RIMBP2: variants seen among roughly 807,000 people sequenced by gnomAD.
RIMBP2 encodes the protein RIMS binding protein 2, also known as RIMS-binding protein 2.
A neutral mutation model predicts 118.6 loss-of-function variants in RIMBP2; 48 were observed. That is an observed-to-expected ratio of 0.40 (90% CI 0.32 to 0.51). The LOEUF (loss-of-function observed/expected upper bound fraction) is 0.51. Among genes scored for constraint, RIMBP2 ranks in the 20% least tolerant of loss-of-function variants. The pLI is 0.41. For missense variants in RIMBP2, 1,551 were observed against 1,768.3 expected (o/e 0.88, Z 2.20); for synonymous variants, 762 against 742.9 (o/e 1.03, Z -0.42).
rs1271287006 is a variant in RIMBP2 at position 130,434,991 on chromosome 12, C to A, written c.2107-111G>T. ...CCCTCAGAGCCTGGCCAGGCACCCC[C>A]CACACAGTGCTTTGGGCCCAGCTCT... On this transcript the variant is annotated intron_variant, in intron 13 of 22. Coordinates refer to ENST00000690449, the MANE Select transcript of RIMBP2 (RefSeq NM_001393629.1). The surrounding 1 kb of genome is among the most constrained non-coding windows in gnomAD (Gnocchi z 5.7). The A allele has an allele frequency of 1.0e-5, 12 of 1,157,348 alleles. No individual in the cohort carries two copies. The highest frequency in any genetic ancestry group is 1.4e-5 in the Non-Finnish European group (12 of 830,214). 71.7% of individuals were successfully genotyped at this position (1,157,348 alleles called of 1,614,324 possible).
chr12:130,438,334 A>AGGGCC, intron 12 of RIMBP2, 31 bp downstream of exon 12: 11 of 1,344,504 alleles, frequency 8.2e-6, no homozygotes, highest in Non-Finnish European at 1.2e-5. Context: ...GGGCCTAACA[A>AGGGCC]ACCCTCCCCA....
chr12:130,567,618 G>A (rs560346986), intron 2 of RIMBP2, among the ~76,000 whole-genome samples: 1 of 152,104 alleles, frequency 6.6e-6, no homozygotes, highest in African/African-American at 2.4e-5. Context: ...CCTGGGAAGG[G>A]GCAGCAGGTT....
chr12:130,675,674 A>G (rs2064427442), intron 1 of RIMBP2, among the ~76,000 whole-genome samples: 1 of 152,178 alleles, frequency 6.6e-6, no homozygotes, highest in South Asian at 2.1e-4. Flanking sequence ...TTTCAGCTTT[A>G]TACAAAGAAA....
chr12:130,544,789 C>G (rs1353135718), intron 2 of RIMBP2, among the ~76,000 whole-genome samples: 2 of 151,868 alleles, frequency 1.3e-5, no homozygotes, highest in East Asian at 3.9e-4. Context: ...GATGGGGTTT[C>G]ACCATGTTAC....
At chr12:130,613,777 G>A (rs1018794881) in intron 2 of RIMBP2, among the ~76,000 whole-genome samples, 2 of 135,456 alleles carry the variant, frequency 1.5e-5, no homozygotes, top group Admixed American at 8.4e-5. Flanking sequence ...TCGCACCACT[G>A]CACTCCAGCC....
At chr12:130,480,387 C>T (rs950335344) in intron 4 of RIMBP2, among the ~76,000 whole-genome samples, 6 of 152,146 alleles carry the variant, frequency 3.9e-5, no homozygotes, top group Non-Finnish European at 7.3e-5. Context: ...CATATACCCC[C>T]GATGTCTGCG....
At chr12:130,500,283 C>G (rs757019078) in intron 4 of RIMBP2, among the ~76,000 whole-genome samples, 3 of 152,098 alleles carry the variant, frequency 2.0e-5, no homozygotes, top group Non-Finnish European at 4.4e-5. Context: ...CACGGGGAAA[C>G]CCCATCTCTA....
chr12:130,690,973 T>C (rs925233579), intron 1 of RIMBP2, among the ~76,000 whole-genome samples: 2 of 152,102 alleles, frequency 1.3e-5, no homozygotes, highest in African/African-American at 4.8e-5. Flanking sequence ...TGCCCTGTAA[T>C]TCACAAGGGC....
chr12:130,492,548 G>T (rs1049875828), intron 4 of RIMBP2, among the ~76,000 whole-genome samples: 1 of 152,200 alleles, frequency 6.6e-6, no homozygotes. Context: ...AGATGCAGGG[G>T]TGGCAACATT....
chr12:130,434,851 T>G lies in RIMBP2; in HGVS notation c.2136A>C (p.Arg712Ser). Reference sequence around the variant, plus strand: ...AGGCGGCGTACTGCCCCGCGCTGCTTCTCTCTAGGAAGACGCTCCTTTTCT... The same window carrying G: ...AGGCGGCGTACTGCCCCGCGCTGCTGCTCTCTAGGAAGACGCTCCTTTTCT... ...RLEKRSVFLE[R>S]SSAGQYAASD... Residue 712 changes from arginine to serine, a missense_variant, in exon 14 of 23, where the codon AGA becomes AGC. Around this residue, in one of 5 missense-constraint regions of RIMBP2, gnomAD observed 1,038 missense variants for 1,125.1 expected, o/e 0.92. Transcript: ENST00000690449. The surrounding 1 kb of genome is among the most constrained non-coding windows in gnomAD (Gnocchi z 5.7). 4.3e-6 allele frequency: 7 copies of G among 1,611,880 alleles called. No individual in the cohort carries two copies. The South Asian group carries it at 7.7e-5, about 18-fold the overall frequency.
At position 130,649,307 on chromosome 12, in the gene RIMBP2, G is replaced by C. The variant is rs939628645; in HGVS notation, c.-351-20851C>G. Reference sequence around the variant, plus strand: ...CCTCAGCGGAGAGATGAGTGCTCCCGGCCGGAGGCCGCTCCGCTCCATGCA... The same window carrying C: ...CCTCAGCGGAGAGATGAGTGCTCCCCGCCGGAGGCCGCTCCGCTCCATGCA... On this transcript the variant is annotated intron_variant, in intron 1 of 22. Transcript: ENST00000690449. Among the ~76,000 whole-genome samples the C allele has an allele frequency of 1.3e-4, 14 of 109,462 alleles. 3 individuals carry two copies. Among genetic ancestry groups the C allele is most frequent in the Non-Finnish European group, 3.3e-4 (14 of 42,394 alleles). 71.8% of individuals were successfully genotyped at this position (109,462 alleles called of 152,430 possible).
At chr12:130,664,877 G>A (rs2063851013) in intron 1 of RIMBP2, among the ~76,000 whole-genome samples, 1 of 151,810 alleles carries the variant, frequency 6.6e-6, no homozygotes, top group African/African-American at 2.4e-5. Context: ...GCGGGGCAGG[G>A]AAGGCTTTCC....
At chr12:130,693,210 G>A (rs1223516915) in intron 1 of RIMBP2, among the ~76,000 whole-genome samples, 2 of 152,110 alleles carry the variant, frequency 1.3e-5, no homozygotes, top group African/African-American at 2.4e-5. Context: ...ATGACTCCGT[G>A]CTCCATGCCA....
chr12:130,713,189 AGAAGGAAG>A (rs146831323), intron 1 of RIMBP2, among the ~76,000 whole-genome samples: 5 of 110,938 alleles, frequency 4.5e-5, no homozygotes, highest in South Asian at 6.8e-4. Context: ...AAGGAAGGAA[AGAAGGAAG>A]GAAGGAAGGA....
At position 130,649,067 on chromosome 12, in the gene RIMBP2, C is replaced by A. The variant is rs1348668949; in HGVS notation, c.-351-20611G>T. ...ACCTCCTGACTCAGAGGCACGGGAG[C>A]AGATCTCCCGGCTTTTCCTGCCCTT... On this transcript the variant is annotated intron_variant, in intron 1 of 22. Coordinates refer to ENST00000690449, the MANE Select transcript of RIMBP2 (RefSeq NM_001393629.1). Among the ~76,000 whole-genome samples the A allele has an allele frequency of 1.4e-5, 2 of 145,954 alleles. 1 individual carries two copies. The highest frequency in any genetic ancestry group is 3.1e-5 in the Non-Finnish European group (2 of 64,408).
In RIMBP2 at chr12:130,445,152, A is replaced by G; in HGVS notation, c.691+8T>C. The G allele has an allele frequency of 6.3e-6, 10 of 1,585,204 alleles. No homozygotes were observed. The highest frequency in any genetic ancestry group is 8.6e-6 in the Non-Finnish European group (10 of 1,162,858). On this transcript the variant is annotated splice_region_variant and intron_variant, in intron 10 of 22. Transcript: ENST00000690449. ...CTACGTCCGCCACAGCCATGTTCCA[A>G]CAGAGACCTTCATAGAACCCATCCT...
At chr12:130,692,506 C>T (rs943210514) in intron 1 of RIMBP2, among the ~76,000 whole-genome samples, 1 of 152,074 alleles carries the variant, frequency 6.6e-6, no homozygotes, top group African/African-American at 2.4e-5. Flanking sequence ...ATAAATCTCA[C>T]CGAGACCCTC....
chr12:130,464,230 G>A (rs4595583), intron 6 of RIMBP2, among the ~76,000 whole-genome samples: 100,376 of 152,192 alleles, frequency 0.66, 33,416 homozygotes, highest in Middle Eastern at 0.77. Context: ...CTTCCTCTAC[G>A]GACTCACCCA....
intron 21 of RIMBP2, among the ~76,000 whole-genome samples, chr12:130,400,469 G>A (rs541747595): frequency 6.6e-6 from 1 of 152,228 alleles, no homozygotes; most frequent in South Asian, 2.1e-4. Context: ...AGATCCATGA[G>A]TCCATCTGCC....
Sources: gnomAD v4.1 joint callset for allele counts (sites outside exome capture counted in the v4.1 genomes callset) on GRCh38, gnomAD v4.1.1 for gene constraint, gnomAD v4.1.1 regional missense constraint, Gnocchi (gnomAD v3.1) non-coding constraint, MANE v1.5 for transcripts, NCBI Gene and HGNC (gene_info 2026-07-23, HGNC 2026-07-21) for gene names.